The following GPC5 variants were observed in gnomAD, a reference collection of about 807,000 sequenced individuals.
GPC5 encodes the protein glypican-5.
A neutral mutation model predicts 53.9 loss-of-function variants in GPC5; 47 were observed. The ratio of observed to expected loss-of-function variants is 0.87; its 90% confidence interval spans 0.69 to 1.11. The LOEUF is 1.11. Ranked by LOEUF, GPC5 falls within the 50% of genes most tolerant of loss-of-function variation. The pLI, the probability that GPC5 is intolerant of heterozygous loss-of-function variation, is 0.00. For missense variants in GPC5, 748 were observed against 713.1 expected, an observed-to-expected ratio of 1.05 and a Z score of -0.56; for synonymous variants, 286 against 263.3, an observed-to-expected ratio of 1.09 and a Z score of -0.84.
intron 2 of GPC5, among the ~76,000 whole-genome samples, chr13:91,561,932 T>G (rs993958248): frequency 7.9e-5 from 12 of 152,136 alleles, no homozygotes; most frequent in Non-Finnish European, 1.6e-4. Context: ...TAGAAATGTG[T>G]ACAGCTTGAA....
At chr13:92,421,621 C>T (rs1230804367) in intron 7 of GPC5, among the ~76,000 whole-genome samples, 1 of 143,928 alleles carries the variant, frequency 6.9e-6, no homozygotes, top group Non-Finnish European at 1.5e-5. Context: ...ATGGCGTGAA[C>T]CCTGGAGGAG....
intron 6 of GPC5, among the ~76,000 whole-genome samples, chr13:92,022,308 C>A (rs771858207): frequency 3.9e-5 from 6 of 152,096 alleles, no homozygotes; most frequent in Admixed American, 6.6e-5. Context: ...GCCCAGAAAT[C>A]TTTTGATTGT....
At chr13:91,761,646 CA>C (rs1483861444) in intron 5 of GPC5, among the ~76,000 whole-genome samples, 1 of 152,164 alleles carries the variant, frequency 6.6e-6, no homozygotes, top group Non-Finnish European at 1.5e-5. Flanking sequence ...AAGGATATTA[CA>C]AAGGCTACAG....
chr13:92,035,893 T>C (rs2040889406), intron 6 of GPC5, among the ~76,000 whole-genome samples: 1 of 152,228 alleles, frequency 6.6e-6, no homozygotes, highest in African/African-American at 2.4e-5. Context: ...CTTTCAAGAC[T>C]TTCCAAATTG....
chr13:92,858,532 A>C (rs564120916), intron 7 of GPC5, among the ~76,000 whole-genome samples: 7 of 152,200 alleles, frequency 4.6e-5, no homozygotes, highest in Non-Finnish European at 5.9e-5. Context: ...GCTGGAGACC[A>C]TTACCCTAGG....
rs9556125 is a variant in GPC5 at position 91,871,833 on chromosome 13, G to C, written c.1281-36104G>C. On this transcript the variant is annotated intron_variant, in intron 5 of 7. Transcript: ENST00000377067. ...TGCCATGACGCTAGATTAGTGCAGA[G>C]CCTACAACTGCTTTTTTCATGACAG... Among the ~76,000 whole-genome samples, 1,067 of 152,040 alleles carry C rather than the reference G, an allele frequency of 7.0e-3. 9 individuals carry two copies. Among genetic ancestry groups the C allele is most frequent in the Middle Eastern group, 0.017 (5 of 294 alleles).
chr13:92,675,613 C>T (rs949494856), intron 7 of GPC5, among the ~76,000 whole-genome samples: 2 of 151,302 alleles, frequency 1.3e-5, no homozygotes, highest in Admixed American at 1.3e-4. Context: ...AGTACGTGTA[C>T]AACAATGCCA....
At chr13:92,285,369 T>A (rs924404971) in intron 7 of GPC5, among the ~76,000 whole-genome samples, 2 of 152,132 alleles carry the variant, frequency 1.3e-5, no homozygotes, top group Admixed American at 6.5e-5. Context: ...ATGACTGTCT[T>A]CACAGAATTG....
chr13:92,579,848 CTCTT>C (rs1177298674), intron 7 of GPC5, among the ~76,000 whole-genome samples: 3 of 152,172 alleles, frequency 2.0e-5, no homozygotes, highest in Non-Finnish European at 4.4e-5. Flanking sequence ...CTCTCTCTCT[CTCTT>C]TCTTTATCAT....
At chr13:92,225,192 T>C (rs953608186) in intron 7 of GPC5, among the ~76,000 whole-genome samples, 1 of 152,210 alleles carries the variant, frequency 6.6e-6, no homozygotes, top group African/African-American at 2.4e-5. Context: ...CTCTGGAATA[T>C]CTTGACTTTG....
intron 7 of GPC5, among the ~76,000 whole-genome samples, chr13:92,653,676 G>T (rs1886032990): frequency 1.3e-5 from 2 of 152,144 alleles, no homozygotes; most frequent in South Asian, 4.1e-4. Context: ...AAGGAGCAAG[G>T]GTAAGGAACA....
chr13:91,824,538 A>G (rs187014399), intron 5 of GPC5, among the ~76,000 whole-genome samples: 4 of 152,268 alleles, frequency 2.6e-5, no homozygotes, highest in South Asian at 2.1e-4. Context: ...ATGATTTTGG[A>G]TAAGTTACTT....
At chr13:91,878,372 T>G (rs1827986728) in intron 5 of GPC5, among the ~76,000 whole-genome samples, 1 of 152,200 alleles carries the variant, frequency 6.6e-6, no homozygotes, top group Non-Finnish European at 1.5e-5. Context: ...TTGATCAAAA[T>G]AGTAGTAAGT....
intron 7 of GPC5, among the ~76,000 whole-genome samples, chr13:92,420,861 A>G (rs779549613): frequency 1.1e-4 from 16 of 152,164 alleles, no homozygotes; most frequent in Non-Finnish European, 2.9e-5. Context: ...CATTGTATAT[A>G]TGCACCACAT....
chr13:91,483,319 G>A (rs960950900), intron 2 of GPC5, among the ~76,000 whole-genome samples: 3 of 152,102 alleles, frequency 2.0e-5, no homozygotes, highest in African/African-American at 7.2e-5. Context: ...CTCAAATAAG[G>A]CCTTTGTATG....
intron 7 of GPC5, among the ~76,000 whole-genome samples, chr13:92,605,003 A>G (rs779948639): frequency 1.8e-4 from 27 of 152,230 alleles, no homozygotes; most frequent in Non-Finnish European, 2.4e-4. Flanking sequence ...CTGAATGTCA[A>G]CCAGATCCCA....
At chr13:91,482,838 C>T (rs144924425) in intron 2 of GPC5, among the ~76,000 whole-genome samples, 48 of 150,216 alleles carry the variant, frequency 3.2e-4, no homozygotes, top group African/African-American at 1.1e-3. Context: ...AGTTGCTTTT[C>T]GTGACTCTTG....
At chr13:91,624,385 G>T (rs1191763385) in intron 2 of GPC5, among the ~76,000 whole-genome samples, 1 of 152,052 alleles carries the variant, frequency 6.6e-6, no homozygotes, top group African/African-American at 2.4e-5. Context: ...ACACCAAACA[G>T]CATAGCTGCC....
chr13:91,685,516 C>T (rs1372312407), intron 2 of GPC5, among the ~76,000 whole-genome samples: 1 of 152,158 alleles, frequency 6.6e-6, no homozygotes, highest in Non-Finnish European at 1.5e-5. Flanking sequence ...CTTTGGAAAA[C>T]AGCACCCTTC....
Sources: allele counts gnomAD v4.1 joint callset (sites outside exome capture counted in the v4.1 genomes callset), GRCh38; gene constraint gnomAD v4.1.1; transcripts MANE v1.5; gene names NCBI Gene and HGNC (gene_info 2026-07-23, HGNC 2026-07-21).